TCHP: variants seen among roughly 807,000 people sequenced by gnomAD.
TCHP encodes the protein trichoplein keratin filament binding.
In TCHP, 81 loss-of-function variants were observed where a neutral mutation model predicts 88.7. The ratio of observed to expected loss-of-function variants is 0.91; its 90% CI spans 0.76 to 1.10. The LOEUF (loss-of-function observed/expected upper bound fraction) is 1.10. Among genes scored for constraint, TCHP ranks in the 50% least tolerant of loss-of-function variants. TCHP has a pLI of 0.00. For missense variants in TCHP, 641 were observed against 632.1 expected (o/e 1.01, Z -0.15); for synonymous variants, 232 against 232.5 (o/e 1.00, Z 0.02).
chr12:109,895,205 C>CTTTT, the TCHP span, among the ~76,000 whole-genome samples: 2 of 130,230 alleles, frequency 1.5e-5, no homozygotes, highest in African/African-American at 5.9e-5. Context: ...TCAAGAATTA[C>CTTTT]TTTTTTTTTT....
At position 109,907,621 on chromosome 12, in the gene TCHP, G is replaced by C. The variant is rs192394776; in HGVS notation, c.621G>C (p.Glu207Asp). ...TAGAAAGGATGAAAGCTGAAGAGGAGAGGAGGCAGCTGGAGGACAAGCTCC... is the reference window on the plus strand; with the variant it reads ...TAGAAAGGATGAAAGCTGAAGAGGACAGGAGGCAGCTGGAGGACAAGCTCC... ...EALERMKAEE[E>D]RRQLEDKLQA... is the part of the protein sequence containing the mutation. The change falls in exon 6 of 13, where the codon GAG becomes GAC. Residue 207 changes from glutamate to aspartate, a missense_variant. Coordinates refer to ENST00000405876, the MANE Select transcript of TCHP (RefSeq NM_001143852.2). 1 of 1,614,212 alleles carries C rather than the reference G, an allele frequency of 6.2e-7. No homozygotes were observed. Among genetic ancestry groups the C allele is most frequent in the Admixed American group, 1.7e-5 (1 of 60,028 alleles).
chr12:109,886,995 C>T, the TCHP span, among the ~76,000 whole-genome samples: 1 of 152,250 alleles, frequency 6.6e-6, no homozygotes, highest in Admixed American at 6.5e-5. Context: ...GCGTGAGCCA[C>T]TGCGCCCGGC....
chr12:109,904,928 G>GATCTTCTGCCTGGC, intron 4 of TCHP, 135 bp downstream of exon 4: 1 of 733,856 alleles, frequency 1.4e-6, no homozygotes, highest in Non-Finnish European at 2.2e-6. Context: ...AAGAGCGCCA[G>GATCTTCTGCCTGGC]GCAGAAGATC....
At chr12:109,894,786 A>T in the TCHP span, among the ~76,000 whole-genome samples, 4 of 151,594 alleles carry the variant, frequency 2.6e-5, no homozygotes. Flanking sequence ...AAAAAAAAAA[A>T]AAGACTTTGT....
intron 1 of TCHP, among the ~76,000 whole-genome samples, chr12:109,902,713 A>C (rs1869875092): frequency 6.6e-6 from 1 of 152,152 alleles, no homozygotes; most frequent in Non-Finnish European, 1.5e-5. Flanking sequence ...TGACCTCGTG[A>C]TCTGCCCACC....
chr12:109,911,840 AGGCT>A (rs1393183729), intron 9 of TCHP, among the ~76,000 whole-genome samples: 7 of 151,600 alleles, frequency 4.6e-5, no homozygotes. Flanking sequence ...TCTGTCACCC[AGGCT>A]GGAGTGCAGT....
intron 3 of TCHP, 97 bp from the exon 4 acceptor site, chr12:109,904,640 C>A: frequency 9.7e-7 from 1 of 1,027,834 alleles, no homozygotes; most frequent in Non-Finnish European, 1.5e-6. Flanking sequence ...TGAAGGGAGG[C>A]ACTCATAGCC....
At chr12:109,895,685 G>A (rs1468697613), upstream of TCHP, among the ~76,000 whole-genome samples, 3 of 152,022 alleles carry the variant, frequency 2.0e-5, no homozygotes, top group Non-Finnish European at 4.4e-5. Context: ...CCTTCACAAC[G>A]GTACCTGCTA....
At chr12:109,908,345 T>G (rs545718561) in intron 6 of TCHP, among the ~76,000 whole-genome samples, 176 of 152,150 alleles carry the variant, frequency 1.2e-3, no homozygotes, top group Middle Eastern at 6.8e-3. Flanking sequence ...TAAGTTACAG[T>G]AAGAGTGGAC....
intron 8 of TCHP, among the ~76,000 whole-genome samples, chr12:109,910,257 C>G (rs940578542): frequency 6.6e-6 from 1 of 152,228 alleles, no homozygotes; most frequent in African/African-American, 2.4e-5. Context: ...CCTAAGCTGC[C>G]CTTCCCATCC....
chr12:109,884,662 A>G, the TCHP span, among the ~76,000 whole-genome samples: 1 of 152,198 alleles, frequency 6.6e-6, no homozygotes, highest in African/African-American at 2.4e-5. Flanking sequence ...ACTAACTTGA[A>G]TTTGTTAAGA....
chr12:109,900,603 G>A (rs552895290), intron 1 of TCHP, 177 bp downstream of exon 1: 4 of 152,408 alleles, frequency 2.6e-5, no homozygotes, highest in African/African-American at 9.6e-5. Context: ...TGTTCAGGTC[G>A]AGAGAGGGAT....
chr12:109,891,810 A>C, the TCHP span, among the ~76,000 whole-genome samples: 14 of 151,864 alleles, frequency 9.2e-5, no homozygotes, highest in East Asian at 2.7e-3. Context: ...CTCAGGTTCA[A>C]ATGATTCTCC....
In TCHP at chr12:109,903,071, C is replaced by A; in HGVS notation, c.45C>A (p.Arg15=). ...TLPSYWCSQQ[R]LNQQLARQRE... ...CGTCCTACTGGTGCAGCCAGCAGCG[C>A]CTGAATCAGCAGCTAGCACGACAGC... The change falls in exon 2 of 13, where the codon CGC becomes CGA. Residue 15 remains arginine (R), a synonymous_variant. Coordinates refer to ENST00000405876, the MANE Select transcript of TCHP (RefSeq NM_001143852.2). This position sits in a 1 kb window ranked among gnomAD's most constrained non-coding sequence, Gnocchi z 4.6. The A allele has an allele frequency of 1.2e-6, 2 of 1,613,538 alleles. No individual in the cohort carries two copies. Among genetic ancestry groups the A allele is most frequent in the Non-Finnish European group, 1.7e-6 (2 of 1,179,636 alleles).
Position 109,908,703 on chromosome 12 carries a change from G to GA in TCHP, c.812+5_812+6insA, listed in dbSNP as rs750772076. ...CCGGCAGAAGGCAGAGCTGGGGTGT[G>GA]TGTCAGAAGGGCCCCCCACTCTTCC... On this transcript the variant is annotated splice_donor_region_variant and intron_variant, in intron 7 of 12. Coordinates refer to ENST00000405876, the MANE Select transcript of TCHP (RefSeq NM_001143852.2). The GA allele has an allele frequency of 1.9e-5, 30 of 1,588,164 alleles. 1 individual carries two copies. The highest frequency in any genetic ancestry group is 2.6e-5 in the Non-Finnish European group (30 of 1,167,802).
chr12:109,891,698 G>A, the TCHP span, among the ~76,000 whole-genome samples: 3 of 150,560 alleles, frequency 2.0e-5, no homozygotes, highest in East Asian at 2.0e-4. Context: ...ACTGTGCCCA[G>A]CCCCAATATT....
chr12:109,912,301 C>T (rs913153881), intron 9 of TCHP, among the ~76,000 whole-genome samples: 2 of 151,344 alleles, frequency 1.3e-5, no homozygotes, highest in African/African-American at 2.5e-5. Flanking sequence ...TTGTGAGACC[C>T]GGAGACTTGA....
At position 109,908,709 on chromosome 12, in the gene TCHP, G is replaced by T. The variant is rs1262365852; in HGVS notation, c.812+11G>T. ...GAAGGCAGAGCTGGGGTGTGTGTCA[G>T]AAGGGCCCCCCACTCTTCCCAGGCG... is the stretch of plus-strand genomic sequence containing the variant. On this transcript the variant is annotated intron_variant, in intron 7 of 12. Coordinates refer to ENST00000405876, the MANE Select transcript of TCHP (RefSeq NM_001143852.2). 3.8e-6 allele frequency: 6 copies of T among 1,586,194 alleles called. No homozygotes were observed. The highest frequency in any genetic ancestry group is 2.3e-5 in the East Asian group (1 of 44,184).
Position 109,916,858 on chromosome 12 carries a change from G to T in TCHP, c.*235G>T. On this transcript the variant is annotated 3_prime_UTR_variant, in exon 13 of 13. Coordinates refer to ENST00000405876, the MANE Select transcript of TCHP (RefSeq NM_001143852.2). ...AAGCAAGGGTCTTTGATGGGCACGT[G>T]TTTACAGCGCTGCTGCATAGTCTTG... 1.9e-6 allele frequency: 1 copy of T among 529,048 alleles called. No homozygotes were observed. The allele number at this position is 529,048 out of a possible 1,614,324, so 32.8% of individuals were successfully genotyped here.
Sources: gnomAD v4.1 joint callset for allele counts (sites outside exome capture counted in the v4.1 genomes callset) on GRCh38, gnomAD v4.1.1 for gene constraint, Gnocchi (gnomAD v3.1) non-coding constraint, MANE v1.5 for transcripts, NCBI Gene and HGNC (gene_info 2026-07-23, HGNC 2026-07-21) for gene names.